The following DUSP13B variants were observed in gnomAD, a reference collection of about 807,000 sequenced individuals.
DUSP13B encodes the protein dual specificity phosphatase 13B.
chr10:75,095,225 G>A, the DUSP13B span, among the ~76,000 whole-genome samples: 1 of 152,186 alleles, frequency 6.6e-6, no homozygotes, highest in Non-Finnish European at 1.5e-5. Context: ...TTTCCCCCGA[G>A]TTCTGCCCTC....
At chr10:75,108,938 G>A in the DUSP13B span, 10 of 1,527,014 alleles carry the variant, frequency 6.5e-6, no homozygotes, top group East Asian at 1.9e-4. Context: ...ACCCTCCTGT[G>A]TCTGGTAAAG....
the DUSP13B span, among the ~76,000 whole-genome samples, chr10:75,107,664 C>T: frequency 6.6e-6 from 1 of 151,872 alleles, no homozygotes; most frequent in East Asian, 1.9e-4. Context: ...GCAACCTCCG[C>T]CCCCCATGTT....
the DUSP13B span, chr10:75,107,995 C>A: frequency 2.5e-6 from 4 of 1,611,300 alleles, no homozygotes; most frequent in Admixed American, 5.0e-5. Context: ...GTCCTACCCC[C>A]AGGCGTGTTG....
At chr10:75,101,752 T>C in the DUSP13B span, 72 of 656,820 alleles carry the variant, frequency 1.1e-4, no homozygotes, top group Admixed American at 1.6e-3. Context: ...CAGTCGGTTC[T>C]CTACCCAACC....
At chr10:75,098,770 C>A in the DUSP13B span, among the ~76,000 whole-genome samples, 1 of 152,146 alleles carries the variant, frequency 6.6e-6, no homozygotes, top group Admixed American at 6.5e-5. Flanking sequence ...TCAACAACAA[C>A]AAAAAGCCTG....
the DUSP13B span, chr10:75,099,664 T>A: frequency 1.4e-6 from 1 of 702,296 alleles, no homozygotes; most frequent in East Asian, 3.7e-5. Flanking sequence ...CTGCTTGGTA[T>A]CTGTTTGGGA....
the DUSP13B span, chr10:75,097,665 C>T: frequency 6.7e-7 from 1 of 1,494,446 alleles, no homozygotes; most frequent in Non-Finnish European, 9.0e-7. Flanking sequence ...CCCGTGTGAA[C>T]CTCACACCCT....
chr10:75,094,590 G>T, the DUSP13B span: 1 of 1,457,090 alleles, frequency 6.9e-7, no homozygotes, highest in Non-Finnish European at 9.3e-7. Flanking sequence ...ACATCTCAGG[G>T]TCACTAGAAA....
the DUSP13B span, chr10:75,098,020 G>GCTTCATC: frequency 1.3e-6 from 1 of 747,746 alleles, no homozygotes; most frequent in Non-Finnish European, 2.0e-6. Context: ...TTCACATGAG[G>GCTTCATC]TATTAACAAG....
the DUSP13B span, chr10:75,105,742 A>T: frequency 2.6e-6 from 4 of 1,554,174 alleles, no homozygotes; most frequent in Non-Finnish European, 3.5e-6. Flanking sequence ...GTTGGGGAAG[A>T]CCCATCGGTG....
At chr10:75,106,007 C>T in the DUSP13B span, 6 of 740,582 alleles carry the variant, frequency 8.1e-6, no homozygotes, top group Non-Finnish European at 1.4e-5. Context: ...CCTTTATGGA[C>T]CTCAGTTTCC....
the DUSP13B span, among the ~76,000 whole-genome samples, chr10:75,101,454 T>A: frequency 3.4e-4 from 51 of 152,194 alleles, no homozygotes; most frequent in Non-Finnish European, 4.0e-4. Flanking sequence ...TATCTCTGTA[T>A]TTCTTGATAT....
chr10:75,108,148 C>T, the DUSP13B span: 17 of 1,612,872 alleles, frequency 1.1e-5, no homozygotes, highest in Admixed American at 1.0e-4. Flanking sequence ...CCCTTGTGGG[C>T]GGCGTTCAGC....
chr10:75,100,434 C>T, the DUSP13B span, among the ~76,000 whole-genome samples: 85 of 152,258 alleles, frequency 5.6e-4, no homozygotes, highest in African/African-American at 1.7e-3. Flanking sequence ...CCCAGGGACT[C>T]GTCCTTTAAG....
the DUSP13B span, chr10:75,095,846 G>A: frequency 6.4e-7 from 1 of 1,566,318 alleles, no homozygotes; most frequent in Admixed American, 1.7e-5. Flanking sequence ...ATCTCACTGT[G>A]GCAGCTCTGG....
chr10:75,108,161 G>A, the DUSP13B span: 20 of 1,612,472 alleles, frequency 1.2e-5, no homozygotes, highest in Admixed American at 6.7e-5. Context: ...CGTTCAGCAC[G>A]TGGGTGATGC....
At chr10:75,103,975 C>G in the DUSP13B span, 5 of 1,339,938 alleles carry the variant, frequency 3.7e-6, no homozygotes, top group Non-Finnish European at 5.0e-6. Flanking sequence ...TAGGGCCGAC[C>G]CCACGCTGGG....
At chr10:75,099,365 A>C in the DUSP13B span, 1 of 1,232,202 alleles carries the variant, frequency 8.1e-7, no homozygotes. Context: ...GGAAGTGAAG[A>C]CCAAGCTGTC....
the DUSP13B span, chr10:75,107,934 G>A: frequency 1.3e-6 from 2 of 1,530,118 alleles, no homozygotes; most frequent in African/African-American, 2.7e-5. Context: ...GAGAGGAAAT[G>A]AGGCATCCTC....
Sources: allele counts gnomAD v4.1 joint callset (sites outside exome capture counted in the v4.1 genomes callset), GRCh38; gene constraint gnomAD v4.1.1; transcripts MANE v1.5; gene names NCBI Gene and HGNC (gene_info 2026-07-23, HGNC 2026-07-21).